Variants in LGSN observed in about 807,000 individuals in gnomAD.
LGSN encodes lengsin, lens protein with glutamine synthetase domain.
A neutral mutation model predicts 19.5 loss-of-function variants in LGSN; 21 were observed. The observed-to-expected ratio is 1.07, with a 90% CI of 0.76 to 1.55. The LOEUF is 1.55. Among genes scored for constraint, LGSN ranks in the 40% most tolerant of loss-of-function variants. LGSN has a pLI of 0.00. For synonymous variants in LGSN, 257 were observed against 215.6 expected (o/e 1.19, Z -1.68); for missense variants, 673 against 608.5 (o/e 1.11, Z -1.12).
At chr6:63,283,731 A>G (rs1379868133) in intron 3 of LGSN, among the ~76,000 whole-genome samples, 5 of 149,162 alleles carry the variant, frequency 3.4e-5, no homozygotes, top group African/African-American at 7.5e-5. Flanking sequence ...ATGGAGTTTC[A>G]CTCTTTTTGC....
chr6:63,442,144 G>C, the LGSN span, among the ~76,000 whole-genome samples: 90,388 of 151,772 alleles, frequency 0.6, 27,219 homozygotes, highest in African/African-American at 0.64. Flanking sequence ...CGGAGTTGTT[G>C]GTCCCTCCCA....
the LGSN span, among the ~76,000 whole-genome samples, chr6:63,484,043 A>G: frequency 2.0e-5 from 3 of 152,042 alleles, no homozygotes. Flanking sequence ...AGTCCTAGCT[A>G]CTCAGGAGGC....
the LGSN span, chr6:63,572,811 C>T: frequency 2.5e-6 from 1 of 396,912 alleles, no homozygotes; most frequent in East Asian, 3.6e-5. Context: ...CCCGGCGTCT[C>T]CTCCAGGTTG....
At chr6:63,508,222 A>C in the LGSN span, among the ~76,000 whole-genome samples, 1 of 152,336 alleles carries the variant, frequency 6.6e-6, no homozygotes, top group South Asian at 2.1e-4. Flanking sequence ...TTAGGACATT[A>C]AAGCTGAAAA....
the LGSN span, among the ~76,000 whole-genome samples, chr6:63,473,196 G>A: frequency 6.6e-6 from 1 of 151,918 alleles, no homozygotes; most frequent in African/African-American, 2.4e-5. Context: ...TAGTAGGCCA[G>A]GCGCAGTGGC....
At chr6:63,370,394 C>A in the LGSN span, among the ~76,000 whole-genome samples, 1 of 152,224 alleles carries the variant, frequency 6.6e-6, no homozygotes, top group East Asian at 1.9e-4. Context: ...CTCAGAAGGA[C>A]TTATAAGCAG....
At chr6:63,428,913 G>A in the LGSN span, among the ~76,000 whole-genome samples, 2 of 152,168 alleles carry the variant, frequency 1.3e-5, no homozygotes, top group Non-Finnish European at 2.9e-5. Flanking sequence ...GCTGGGCATG[G>A]TGGTGCACAC....
the LGSN span, among the ~76,000 whole-genome samples, chr6:63,504,601 C>T: frequency 6.6e-6 from 1 of 152,046 alleles, no homozygotes; most frequent in Admixed American, 6.6e-5. Flanking sequence ...CACCACCATG[C>T]CCGTCTAATT....
the LGSN span, among the ~76,000 whole-genome samples, chr6:63,418,376 C>CA: frequency 6.6e-6 from 1 of 152,082 alleles, no homozygotes. Context: ...TCCTGGCCAA[C>CA]ATGGTGAAAC....
chr6:63,450,193 C>CAAAA, the LGSN span, among the ~76,000 whole-genome samples: 11 of 94,774 alleles, frequency 1.2e-4, no homozygotes, highest in East Asian at 1.1e-3. Context: ...CTAAAAAATG[C>CAAAA]AAAAAAAAAA....
At chr6:63,427,682 A>C in the LGSN span, among the ~76,000 whole-genome samples, 2 of 152,318 alleles carry the variant, frequency 1.3e-5, no homozygotes, top group East Asian at 3.9e-4. Context: ...TGGTGACTAA[A>C]TTATTATAAA....
the LGSN span, among the ~76,000 whole-genome samples, chr6:63,367,539 C>T: frequency 2.8e-4 from 43 of 151,726 alleles, no homozygotes; most frequent in East Asian, 7.0e-3. Flanking sequence ...GTGGCAATTC[C>T]TCAAGGATCT....
the LGSN span, among the ~76,000 whole-genome samples, chr6:63,506,970 G>A: frequency 6.6e-6 from 1 of 152,132 alleles, no homozygotes; most frequent in Non-Finnish European, 1.5e-5. Flanking sequence ...TGAGGGAGTA[G>A]AAGAATGAGG....
the LGSN span, among the ~76,000 whole-genome samples, chr6:63,517,468 C>T: frequency 6.6e-6 from 1 of 152,158 alleles, no homozygotes; most frequent in Admixed American, 6.6e-5. Context: ...TAAAGGTATG[C>T]ACACATGATG....
At chr6:63,309,506 CT>C (rs372317421) in intron 1 of LGSN, among the ~76,000 whole-genome samples, 8 of 152,122 alleles carry the variant, frequency 5.3e-5, no homozygotes, top group African/African-American at 1.9e-4. Context: ...TCAATATCTT[CT>C]TTTTTGAAGT....
At chr6:63,530,428 A>G in the LGSN span, among the ~76,000 whole-genome samples, 1 of 152,152 alleles carries the variant, frequency 6.6e-6, no homozygotes, top group Non-Finnish European at 1.5e-5. Context: ...TGTAGTTGGG[A>G]TGGTACCATA....
chr6:63,393,444 G>A, the LGSN span, among the ~76,000 whole-genome samples: 3 of 151,936 alleles, frequency 2.0e-5, no homozygotes, highest in Non-Finnish European at 4.4e-5. Context: ...CTCCCAAAGT[G>A]CTAGGATTAC....
chr6:63,362,991 C>T, the LGSN span, among the ~76,000 whole-genome samples: 7 of 152,278 alleles, frequency 4.6e-5, no homozygotes, highest in East Asian at 7.7e-4. Context: ...CCCTCTGAGA[C>T]GAAGCTTCCA....
chr6:63,554,300 C>G, the LGSN span, among the ~76,000 whole-genome samples: 1 of 152,170 alleles, frequency 6.6e-6, no homozygotes, highest in Non-Finnish European at 1.5e-5. Flanking sequence ...GAAAAGCATT[C>G]TATTCATGTT....
Sources: allele counts gnomAD v4.1 joint callset (sites outside exome capture counted in the v4.1 genomes callset), GRCh38; gene constraint gnomAD v4.1.1; transcripts MANE v1.5; gene names NCBI Gene and HGNC (gene_info 2026-07-23, HGNC 2026-07-21).